Variants in DIP2C observed in about 807,000 individuals in gnomAD.
DIP2C encodes disco-interacting protein 2 homolog C.
Under a neutral mutation model 192.4 loss-of-function variants are expected in DIP2C, and 33 were observed. That is an observed-to-expected ratio of 0.17 (90% CI 0.13 to 0.23). DIP2C has a LOEUF of 0.23. Ranked by LOEUF, DIP2C falls within the 10% of genes least tolerant of loss-of-function variation. The pLI, the probability that DIP2C is intolerant of heterozygous loss-of-function variation, is 1.00. For synonymous variants in DIP2C, 979 were observed against 864.1 expected (o/e 1.13, Z -2.33); for missense variants, 1,537 against 2,110.1 (o/e 0.73, Z 5.32).
intron 1 of DIP2C, among the ~76,000 whole-genome samples, chr10:592,326 C>A (rs1272416815): frequency 6.6e-6 from 1 of 152,052 alleles, no homozygotes; most frequent in Non-Finnish European, 1.5e-5. Context: ...TCCGTAGCAG[C>A]GGATGTTATA....
chr10:289,179 A>C (rs1028564029), intron 32 of DIP2C, among the ~76,000 whole-genome samples: 2 of 152,210 alleles, frequency 1.3e-5, no homozygotes, highest in African/African-American at 4.8e-5. Flanking sequence ...AAGATGGTGA[A>C]TCACAGGACG....
intron 1 of DIP2C, among the ~76,000 whole-genome samples, chr10:540,950 T>C (rs1395742574): frequency 6.6e-6 from 1 of 152,062 alleles, no homozygotes; most frequent in Non-Finnish European, 1.5e-5. Flanking sequence ...AGGAAGGTGG[T>C]GGTCGTGCTA....
chr10:487,339 T>C (rs1198326215), intron 1 of DIP2C, among the ~76,000 whole-genome samples: 2 of 152,110 alleles, frequency 1.3e-5, no homozygotes, highest in Non-Finnish European at 2.9e-5. Context: ...TTAACAAAAA[T>C]ATAGCAAATG....
At chr10:574,011 T>A in intron 1 of DIP2C, among the ~76,000 whole-genome samples, 1 of 152,230 alleles carries the variant, frequency 6.6e-6, no homozygotes, top group East Asian at 1.9e-4. Flanking sequence ...GGGAACACTT[T>A]ATTCTGTCTT....
At chr10:281,698 C>T (rs1336374123) in intron 35 of DIP2C, among the ~76,000 whole-genome samples, 1 of 152,266 alleles carries the variant, frequency 6.6e-6, no homozygotes, top group Non-Finnish European at 1.5e-5. Flanking sequence ...GAGGCCTCGT[C>T]TGCCCAAGAT....
At chr10:476,311 C>T (rs1214533731) in intron 2 of DIP2C, among the ~76,000 whole-genome samples, 3 of 152,170 alleles carry the variant, frequency 2.0e-5, no homozygotes, top group East Asian at 1.9e-4. Flanking sequence ...TCCGGTCCTC[C>T]GGGGACGGGA....
In DIP2C at chr10:397,607, G is replaced by A. The variant is rs187273814; in HGVS notation, c.1260+1502C>T. 1.2e-4 allele frequency among the ~76,000 whole-genome samples: 18 copies of A among 152,032 alleles called. No homozygotes were observed. In the East Asian group the frequency reaches 3.5e-3, roughly 29 times the overall value. On this transcript the variant is annotated intron_variant, in intron 10 of 36. Coordinates refer to ENST00000280886, the MANE Select transcript of DIP2C (RefSeq NM_014974.3). Reference sequence around the variant, plus strand: ...AGGCACATTGCAGGTTCAGACCTGGGCAGTCCCTTGGGGCGCGTGCTGCTG... The same window carrying A: ...AGGCACATTGCAGGTTCAGACCTGGACAGTCCCTTGGGGCGCGTGCTGCTG...
chr10:452,309 A>T (rs549570569), intron 3 of DIP2C, among the ~76,000 whole-genome samples: 1 of 152,206 alleles, frequency 6.6e-6, no homozygotes, highest in Non-Finnish European at 1.5e-5. Context: ...AAGGCAAATA[A>T]TGATAACGGG....
At chr10:457,831 A>G (rs574258338) in intron 3 of DIP2C, among the ~76,000 whole-genome samples, 2 of 152,298 alleles carry the variant, frequency 1.3e-5, no homozygotes, top group Admixed American at 1.3e-4. Flanking sequence ...CTGGCATTAC[A>G]GGCGTGAGCC....
chr10:330,636 G>C (rs1319385715), intron 29 of DIP2C, among the ~76,000 whole-genome samples: 1 of 144,020 alleles, frequency 6.9e-6, no homozygotes, highest in East Asian at 2.1e-4. Flanking sequence ...CCACAGGTGT[G>C]CACCACCATG....
At chr10:574,440 C>G (rs1243041011) in intron 1 of DIP2C, among the ~76,000 whole-genome samples, 1 of 152,220 alleles carries the variant, frequency 6.6e-6, no homozygotes, top group African/African-American at 2.4e-5. Flanking sequence ...AAGCAGAAGA[C>G]AATTCCTCAG....
intron 1 of DIP2C, among the ~76,000 whole-genome samples, chr10:619,448 G>C (rs545935357): frequency 6.7e-6 from 1 of 149,044 alleles, no homozygotes; most frequent in Admixed American, 6.7e-5. Flanking sequence ...CATCTTCAGA[G>C]CCCACGGCAG....
At chr10:498,840 A>G (rs916702939) in intron 1 of DIP2C, among the ~76,000 whole-genome samples, 16 of 152,142 alleles carry the variant, frequency 1.1e-4, no homozygotes, top group Non-Finnish European at 1.9e-4. Flanking sequence ...TAAGGAGGCA[A>G]TGCGCATTTG....
At chr10:334,870 AT>A (rs1236348205) in intron 29 of DIP2C, among the ~76,000 whole-genome samples, 1 of 152,178 alleles carries the variant, frequency 6.6e-6, no homozygotes, top group Non-Finnish European at 1.5e-5. Context: ...GAAGTTCTGA[AT>A]TCTCCAATTT....
intron 3 of DIP2C, among the ~76,000 whole-genome samples, chr10:463,631 G>GA (rs1416358310): frequency 6.6e-6 from 1 of 152,058 alleles, no homozygotes; most frequent in Non-Finnish European, 1.5e-5. Context: ...CACAGAATTG[G>GA]AAAAAACTAC....
chr10:472,106 G>A (rs952401390), intron 3 of DIP2C, among the ~76,000 whole-genome samples: 1 of 152,010 alleles, frequency 6.6e-6, no homozygotes, highest in Non-Finnish European at 1.5e-5. Flanking sequence ...AATCACTGAT[G>A]GTAAGAAAAA....
At chr10:466,896 A>T (rs1970250334) in intron 3 of DIP2C, among the ~76,000 whole-genome samples, 1 of 144,808 alleles carries the variant, frequency 6.9e-6, no homozygotes, top group African/African-American at 2.5e-5. Flanking sequence ...GGTGCTGGAG[A>T]GGATGTGGAG....
intron 1 of DIP2C, among the ~76,000 whole-genome samples, chr10:642,637 C>T (rs1855252454): frequency 2.0e-5 from 3 of 152,376 alleles, no homozygotes; most frequent in South Asian, 2.1e-4. Context: ...AGCTGAAGGG[C>T]GTGTGCCACG....
At chr10:642,842 A>T (rs564572540) in intron 1 of DIP2C, among the ~76,000 whole-genome samples, 1 of 152,354 alleles carries the variant, frequency 6.6e-6, no homozygotes, top group South Asian at 2.1e-4. Context: ...ACATCTGTGA[A>T]CTCTTCCTCA....
Sources: allele counts gnomAD v4.1 joint callset (sites outside exome capture counted in the v4.1 genomes callset), GRCh38; gene constraint gnomAD v4.1.1; transcripts MANE v1.5; gene names NCBI Gene and HGNC (gene_info 2026-07-23, HGNC 2026-07-21).